Variants in MNDA observed in about 807,000 individuals in gnomAD.
The protein encoded by MNDA is epididymis secretory sperm binding protein.
A neutral mutation model predicts 37.8 loss-of-function variants in MNDA; 43 were observed. That is an observed-to-expected ratio of 1.14 (90% confidence interval 0.89 to 1.47). The LOEUF is 1.47. MNDA is among the 40% of genes most tolerant of loss of function. MNDA has a pLI of 0.00. For missense variants in MNDA, 536 were observed against 476.0 expected (o/e 1.13, Z -1.17); for synonymous variants, 181 against 169.0 (o/e 1.07, Z -0.55).
chr1:158,845,151 G>T (rs1233172398), intron 4 of MNDA, among the ~76,000 whole-genome samples: 1 of 152,206 alleles, frequency 6.6e-6, no homozygotes. Context: ...TGTGAAAGTT[G>T]TTGGGTCGAA....
Position 158,845,773 on chromosome 1 carries a change from G to C in MNDA, c.757G>C (p.Asp253His), listed in dbSNP as rs774562125. The stretch of plus-strand genomic sequence containing the variant: ...TCAATATTTCCATGTGAAAGTCTTC[G>C]ACATCAACTTGAAAGAGAAATTTGT... ...KTQYFHVKVF[D>H]INLKEKFVRK... The change falls in exon 5 of 7, where the codon GAC becomes CAC. Residue 253 changes from aspartate (D) to histidine (H), a missense_variant. By Grantham distance (81) the Asp-to-His change is moderately conservative (BLOSUM62 -1). Transcript: ENST00000368141. The C allele has an allele frequency of 1.9e-6, 3 of 1,613,970 alleles. No individual in the cohort carries two copies. The highest frequency in any genetic ancestry group is 2.2e-5 in the East Asian group (1 of 44,878).
rs1659171619 is a variant in MNDA at position 158,847,860 on chromosome 1, C to T, written c.1120C>T (p.Leu374=). 2 of 1,613,916 alleles carry T rather than the reference C, an allele frequency of 1.2e-6. No homozygotes were observed. The highest frequency in any genetic ancestry group is 1.7e-6 in the Non-Finnish European group (2 of 1,179,932). The change falls in exon 6 of 7, where the codon CTG becomes TTG. Residue 374 remains leucine (L), a synonymous_variant. Transcript: ENST00000368141. ...TAAACTTCGACTCTTCTGCCTTCAA[C>T]TGAGAACAGTTGACCGCAAGCTGAA... is the stretch of plus-strand genomic sequence containing the variant. ...GDKLRLFCLQ[L]RTVDRKLKLV...
chr1:158,843,290 A>AT lies in MNDA; in HGVS notation c.279dup (p.Lys94Ter). 6.2e-7 allele frequency: 1 copy of AT among 1,609,674 alleles called. No individual in the cohort carries two copies. The highest frequency in any genetic ancestry group is 8.5e-7 in the Non-Finnish European group (1 of 1,178,342). ...TTTTCTTTTGTCAGTTGCTAAGAAAATTAAAACACAAGAAAAAGCTCCAGT... is the reference window on the plus strand; with the variant it reads ...TTTTCTTTTGTCAGTTGCTAAGAAAATTTAAAACACAAGAAAAAGCTCCAGT... On this transcript the variant is annotated frameshift_variant, in exon 3 of 7. Transcript: ENST00000368141. LOFTEE classifies it high-confidence loss of function.
At position 158,845,949 on chromosome 1, in the gene MNDA, A is replaced by G. The variant is rs1486490696; in HGVS notation, c.933A>G (p.Gln311=). 6.2e-7 allele frequency: 1 copy of G among 1,614,186 alleles called. No homozygotes were observed. Among genetic ancestry groups the G allele is most frequent in the Non-Finnish European group, 8.5e-7 (1 of 1,180,018 alleles). The change falls in exon 5 of 7, where the codon CAA becomes CAG. Residue 311 remains glutamine (Q), a synonymous_variant. Transcript: ENST00000368141. ...EIANKTPKIS[Q]LYKQASGTMV... ...CAAATAAAACTCCCAAGATCAGTCAACTTTACAAGCAAGCATCTGGAACAA... is the reference window on the plus strand; with the variant it reads ...CAAATAAAACTCCCAAGATCAGTCAGCTTTACAAGCAAGCATCTGGAACAA...
chr1:158,847,663 A>T, intron 5 of MNDA, 65 bp from the exon 6 acceptor site: 39 of 1,469,230 alleles, frequency 2.7e-5, no homozygotes, highest in Non-Finnish European at 3.5e-5. Flanking sequence ...TTGTCATGAG[A>T]CTCTTTCTCA....
At chr1:158,845,404 G>C (rs750636103) in intron 4 of MNDA, among the ~76,000 whole-genome samples, 183 bp from the exon 5 acceptor site, 1 of 151,734 alleles carries the variant, frequency 6.6e-6, no homozygotes, top group Non-Finnish European at 1.5e-5. Flanking sequence ...CGCCCGGCTA[G>C]TTTTTTTTGT....
At position 158,845,951 on chromosome 1, in the gene MNDA, T is replaced by C; in HGVS notation, c.935T>C (p.Leu312Pro). The C allele has an allele frequency of 6.2e-7, 1 of 1,614,144 alleles. No homozygotes were observed. Among genetic ancestry groups the C allele is most frequent in the Non-Finnish European group, 8.5e-7 (1 of 1,180,006 alleles). ...AATAAAACTCCCAAGATCAGTCAAC[T>C]TTACAAGCAAGCATCTGGAACAATG... is the stretch of plus-strand genomic sequence containing the variant. Reference protein sequence around the residue: ...IANKTPKISQLYKQASGTMVY... With the variant: ...IANKTPKISQPYKQASGTMVY... The change falls in exon 5 of 7, where the codon CTT (leucine) becomes CCT (proline). Residue 312 changes from leucine (L) to proline (P), a missense_variant. Leu to Pro is a moderately conservative substitution (Grantham distance 98). Coordinates refer to ENST00000368141, the MANE Select transcript of MNDA (RefSeq NM_002432.3).
chr1:158,843,213 C>G lies in MNDA; in HGVS notation c.266-66C>G, dbSNP rs1418048502. 3.3e-6 allele frequency: 5 copies of G among 1,518,930 alleles called. No individual in the cohort carries two copies. The East Asian group carries it at 1.2e-4, about 36-fold the overall frequency. 94.1% of individuals were successfully genotyped at this position (1,518,930 alleles called of 1,614,324 possible). On this transcript the variant is annotated intron_variant, in intron 2 of 6. Coordinates refer to ENST00000368141, the MANE Select transcript of MNDA (RefSeq NM_002432.3). ...TGACAGCAGGTAATATTGAAACTGC[C>G]TCAGCTGTCTTAGATAAGCTATTCC...
chr1:158,837,364 G>C (rs1207104724), intron 1 of MNDA, among the ~76,000 whole-genome samples: 1 of 151,584 alleles, frequency 6.6e-6, no homozygotes, highest in African/African-American at 2.4e-5. Flanking sequence ...TTCTGTAAAT[G>C]TTTCATATAT....
At chr1:158,846,330 C>T (rs1205981679) in intron 5 of MNDA, among the ~76,000 whole-genome samples, 1 of 152,164 alleles carries the variant, frequency 6.6e-6, no homozygotes, top group African/African-American at 2.4e-5. Flanking sequence ...TCCCAATGAG[C>T]ACTGATAATT....
chr1:158,832,979 T>C (rs1388237839), intron 1 of MNDA, among the ~76,000 whole-genome samples: 8 of 152,158 alleles, frequency 5.3e-5, no homozygotes, highest in African/African-American at 1.9e-4. Context: ...CTTCTTCTCC[T>C]TTCTTGTCAA....
chr1:158,833,003 A>T (rs1292281538), intron 1 of MNDA, among the ~76,000 whole-genome samples: 1 of 152,044 alleles, frequency 6.6e-6, no homozygotes, highest in African/African-American at 2.4e-5. Flanking sequence ...TCTTATTTTT[A>T]AAAAATCTAT....
At chr1:158,840,284 T>G (rs1659004250) in intron 1 of MNDA, among the ~76,000 whole-genome samples, 1 of 152,130 alleles carries the variant, frequency 6.6e-6, no homozygotes, top group African/African-American at 2.4e-5. Flanking sequence ...GACTGGGTAA[T>G]TTATAAAGAA....
chr1:158,841,466 G>A (rs982173083), intron 1 of MNDA, among the ~76,000 whole-genome samples: 28 of 152,250 alleles, frequency 1.8e-4, no homozygotes, highest in African/African-American at 6.5e-4. Flanking sequence ...AAACAAATGT[G>A]CAAAAAATAA....
chr1:158,848,417 T>C (rs72702944), intron 6 of MNDA, among the ~76,000 whole-genome samples: 16,138 of 152,076 alleles, frequency 0.11, 1,209 homozygotes, highest in Middle Eastern at 0.17. Flanking sequence ...TGGAGGGACT[T>C]TTAGGCAAAG....
At chr1:158,839,702 G>A (rs544446233) in intron 1 of MNDA, among the ~76,000 whole-genome samples, 2 of 152,304 alleles carry the variant, frequency 1.3e-5, no homozygotes, top group South Asian at 4.1e-4. Flanking sequence ...AAGGGAGAAA[G>A]TTAAACAGGG....
At chr1:158,847,332 T>G (rs1659153789) in intron 5 of MNDA, among the ~76,000 whole-genome samples, 1 of 152,120 alleles carries the variant, frequency 6.6e-6, no homozygotes. Flanking sequence ...AAAATAATAA[T>G]AAAGTGAAAT....
At chr1:158,836,621 T>C (rs1354260435) in intron 1 of MNDA, among the ~76,000 whole-genome samples, 1 of 151,866 alleles carries the variant, frequency 6.6e-6, no homozygotes, top group African/African-American at 2.4e-5. Context: ...TTTTCTTCTA[T>C]GTCAATTCAG....
intron 5 of MNDA, among the ~76,000 whole-genome samples, chr1:158,847,475 G>A (rs1028595090): frequency 6.6e-6 from 1 of 152,014 alleles, no homozygotes; most frequent in African/African-American, 2.4e-5. Context: ...CAGCTGATCT[G>A]AAGGTGGTAG....
Sources: gnomAD v4.1 joint callset for allele counts (sites outside exome capture counted in the v4.1 genomes callset) on GRCh38, gnomAD v4.1.1 for gene constraint, MANE v1.5 for transcripts, NCBI Gene and HGNC (gene_info 2026-07-23, HGNC 2026-07-21) for gene names.